Variants in GRID2 observed in about 807,000 individuals in gnomAD.
GRID2 encodes the protein glutamate receptor ionotropic, delta-2.
A neutral mutation model predicts 114.8 loss-of-function variants in GRID2; 33 were observed. That is an observed-to-expected ratio of 0.29 (90% CI 0.22 to 0.38). The LOEUF (loss-of-function observed/expected upper bound fraction) is 0.38. GRID2 is among the 10% of genes least tolerant of loss of function. The pLI is 1.00. For missense variants in GRID2, 1,184 were observed against 1,257.7 expected, an observed-to-expected ratio of 0.94 and a Z score of 0.89; for synonymous variants, 505 against 449.9, an observed-to-expected ratio of 1.12 and a Z score of -1.55.
intron 2 of GRID2, among the ~76,000 whole-genome samples, chr4:92,769,708 T>TA (rs1266838868): frequency 6.6e-6 from 1 of 152,204 alleles, no homozygotes; most frequent in East Asian, 1.9e-4. Flanking sequence ...TTGCACCCTC[T>TA]AAAGCCACAG....
At chr4:92,458,483 G>A (rs1402324477) in intron 1 of GRID2, among the ~76,000 whole-genome samples, 1 of 152,112 alleles carries the variant, frequency 6.6e-6, no homozygotes. Flanking sequence ...CCCTTGAGAA[G>A]CAACCTCACA....
In GRID2 at chr4:92,748,333, G is replaced by T. The variant is rs546294063; in HGVS notation, c.244+158047G>T. On this transcript the variant is annotated intron_variant, in intron 2 of 15. Transcript: ENST00000282020. ...TGTTGACTTCAAAAAAGAAAATTCAGATTCAGGTTTGACATGGAGGACCAG... is the reference window on the plus strand; with the variant it reads ...TGTTGACTTCAAAAAAGAAAATTCATATTCAGGTTTGACATGGAGGACCAG... Among the ~76,000 whole-genome samples the T allele has an allele frequency of 2.0e-4, 31 of 152,236 alleles. No individual in the cohort carries two copies. In the East Asian group the frequency reaches 6.0e-3, roughly 29 times the overall value.
intron 6 of GRID2, among the ~76,000 whole-genome samples, chr4:93,223,688 T>C (rs890609528): frequency 3.3e-5 from 5 of 152,174 alleles, no homozygotes; most frequent in African/African-American, 4.8e-5. Flanking sequence ...TTTTTTTATT[T>C]TATATAGAGT....
intron 2 of GRID2, among the ~76,000 whole-genome samples, chr4:92,885,811 G>A (rs978794926): frequency 1.1e-4 from 17 of 152,186 alleles, no homozygotes; most frequent in Non-Finnish European, 1.9e-4. Flanking sequence ...CTAACATGCC[G>A]TTTATATTAG....
chr4:93,649,584 A>G (rs34039563), intron 14 of GRID2, among the ~76,000 whole-genome samples: 27,046 of 152,128 alleles, frequency 0.18, 2,766 homozygotes, highest in Middle Eastern at 0.35. Flanking sequence ...GCATCACACC[A>G]TAAAGTCTAT....
At chr4:93,382,576 A>G (rs910562105) in intron 8 of GRID2, among the ~76,000 whole-genome samples, 1 of 151,382 alleles carries the variant, frequency 6.6e-6, no homozygotes, top group Admixed American at 6.6e-5. Context: ...ATTTCTTTCT[A>G]CTTTTAAGTT....
In GRID2 at chr4:93,727,382, G is replaced by A. The variant is rs542710193; in HGVS notation, c.2361-41828G>A. Among the ~76,000 whole-genome samples, 459 of 152,222 alleles carry A rather than the reference G, an allele frequency of 3.0e-3. 3 individuals carry two copies. The highest frequency in any genetic ancestry group is 0.01 in the African/African-American group (435 of 41,526). ...GCTTTTTGATGTGCTGCTGGATTCG[G>A]TTTGCCAGTATTTTATTGAGGATTT... On this transcript the variant is annotated intron_variant, in intron 14 of 15. Transcript: ENST00000282020.
chr4:92,384,821 A>G (rs1378072859), intron 1 of GRID2, among the ~76,000 whole-genome samples: 1 of 148,802 alleles, frequency 6.7e-6, no homozygotes, highest in Non-Finnish European at 1.5e-5. Context: ...AACAATGGAA[A>G]AACGCTTGAA....
intron 11 of GRID2, among the ~76,000 whole-genome samples, chr4:93,457,105 G>T (rs1029729851): frequency 6.6e-6 from 1 of 152,108 alleles, no homozygotes; most frequent in Non-Finnish European, 1.5e-5. Context: ...CCATCATTGC[G>T]CCACAACAGA....
chr4:93,782,661 C>T (rs528611379), intron 1 of GRID2, among the ~76,000 whole-genome samples: 142 of 152,298 alleles, frequency 9.3e-4, no homozygotes, highest in African/African-American at 3.3e-3. Context: ...CTCTAACCAA[C>T]TTTCAACACT....
chr4:92,462,246 G>C (rs1281323993), intron 1 of GRID2, among the ~76,000 whole-genome samples: 1 of 152,144 alleles, frequency 6.6e-6, no homozygotes, highest in South Asian at 2.1e-4. Context: ...TGATGTCAAA[G>C]ACTGTAGTTG....
intron 1 of GRID2, among the ~76,000 whole-genome samples, chr4:92,490,301 T>TA (rs1217309280): frequency 6.6e-6 from 1 of 152,106 alleles, no homozygotes; most frequent in Non-Finnish European, 1.5e-5. Context: ...AACACAGAAA[T>TA]AGAGTTAGAA....
In GRID2 at chr4:93,405,399, A is replaced by T. The variant is rs112733381; in HGVS notation, c.1347+9691A>T. 2.6e-3 allele frequency among the ~76,000 whole-genome samples: 395 copies of T among 152,286 alleles called. 1 individual carries two copies. Among genetic ancestry groups the T allele is most frequent in the African/African-American group, 8.7e-3 (361 of 41,568 alleles). ...TCTTGAAATGATAGCTGTTGCACAG[A>T]CATGTGTGAGTATTGCTATTGTATA... On this transcript the variant is annotated intron_variant, in intron 9 of 15. Coordinates refer to ENST00000282020, the MANE Select transcript of GRID2 (RefSeq NM_001510.4).
chr4:92,520,379 A>AAG (rs1487126630), intron 1 of GRID2, among the ~76,000 whole-genome samples: 1 of 151,776 alleles, frequency 6.6e-6, no homozygotes, highest in Non-Finnish European at 1.5e-5. Flanking sequence ...TATTGATAAA[A>AAG]AAAAACAAGG....
chr4:92,781,338 A>G (rs748362480), intron 2 of GRID2, among the ~76,000 whole-genome samples: 22 of 152,118 alleles, frequency 1.4e-4, no homozygotes, highest in Non-Finnish European at 1.2e-4. Context: ...TTTAATTACT[A>G]TGTAATTTTT....
chr4:93,689,151 T>G (rs548500378), intron 14 of GRID2, among the ~76,000 whole-genome samples: 2 of 152,070 alleles, frequency 1.3e-5, no homozygotes, highest in African/African-American at 4.8e-5. Context: ...GAGAGAGGTT[T>G]CAGGAGAAAC....
intron 14 of GRID2, among the ~76,000 whole-genome samples, chr4:93,712,748 C>A (rs17021046): frequency 0.04 from 6,044 of 152,104 alleles, 385 homozygotes; most frequent in African/African-American, 0.13. Flanking sequence ...ATTTATGATG[C>A]CTTGAGTTTT....
At chr4:93,002,466 T>C (rs1379309682) in intron 2 of GRID2, among the ~76,000 whole-genome samples, 1 of 151,516 alleles carries the variant, frequency 6.6e-6, no homozygotes, top group Non-Finnish European at 1.5e-5. Flanking sequence ...CCATCTTTGT[T>C]TTAAGTATTG....
chr4:92,475,805 G>A (rs1392926516), intron 1 of GRID2, among the ~76,000 whole-genome samples: 1 of 151,840 alleles, frequency 6.6e-6, no homozygotes, highest in Non-Finnish European at 1.5e-5. Context: ...AAGAATATGT[G>A]ATATCCTTTC....
Sources: gnomAD v4.1 joint callset for allele counts (sites outside exome capture counted in the v4.1 genomes callset) on GRCh38, gnomAD v4.1.1 for gene constraint, MANE v1.5 for transcripts, NCBI Gene and HGNC (gene_info 2026-07-23, HGNC 2026-07-21) for gene names.